VIPR2: variants seen among roughly 807,000 people sequenced by gnomAD.
VIPR2 encodes vasoactive intestinal polypeptide receptor 2.
A neutral mutation model predicts 58.0 loss-of-function variants in VIPR2; 48 were observed. The ratio of observed to expected loss-of-function variants is 0.83; its 90% CI spans 0.66 to 1.05. VIPR2 has a LOEUF of 1.05. VIPR2 is among the 50% of genes least tolerant of loss of function. VIPR2 has a pLI of 0.00. For synonymous variants in VIPR2, 243 were observed against 235.2 expected (o/e 1.03, Z -0.30); for missense variants, 534 against 558.0 (o/e 0.96, Z 0.43).
At chr7:159,103,975 G>A (rs2129495939) in intron 3 of VIPR2, 121 bp from the exon 4 acceptor site, 7 of 821,540 alleles carry the variant, frequency 8.5e-6, no homozygotes, top group African/African-American at 1.7e-5. Flanking sequence ...GGGTCAGCTA[G>A]GAGACAGGAC....
Position 159,058,480 on chromosome 7 carries a change from C to A in VIPR2, c.455+1G>T. On this transcript the variant is annotated splice_donor_variant, in intron 5 of 12. Coordinates refer to ENST00000262178, the MANE Select transcript of VIPR2 (RefSeq NM_003382.5). LOFTEE classifies it high-confidence loss of function. ...CAGAATTACTAATTTCTGCTCCTTA[C>A]CTGAAGAGGCACAGAATTATGCTTC... The A allele has an allele frequency of 6.2e-7, 1 of 1,611,636 alleles. No individual in the cohort carries two copies. The highest frequency in any genetic ancestry group is 8.5e-7 in the Non-Finnish European group (1 of 1,177,898).
chr7:159,034,363 G>A, intron 9 of VIPR2, 59 bp from the exon 10 acceptor site: 1 of 1,564,758 alleles, frequency 6.4e-7, no homozygotes, highest in Non-Finnish European at 8.8e-7. Context: ...TTGCCCTGAA[G>A]TCCACCTGAT....
chr7:159,120,682 C>A (rs141848981), intron 2 of VIPR2, among the ~76,000 whole-genome samples: 1 of 152,180 alleles, frequency 6.6e-6, no homozygotes, highest in Non-Finnish European at 1.5e-5. Context: ...TGCATAGTAA[C>A]AGGCTAGTGT....
chr7:159,144,509 C>A, intron 1 of VIPR2: 2 of 1,527,812 alleles, frequency 1.3e-6, no homozygotes, highest in Non-Finnish European at 1.8e-6. Flanking sequence ...AGCCTCCCAA[C>A]CCGAGTCCCG....
chr7:159,044,083 G>T (rs565346943), intron 5 of VIPR2, among the ~76,000 whole-genome samples: 6 of 152,338 alleles, frequency 3.9e-5, no homozygotes, highest in Non-Finnish European at 1.5e-5. Context: ...AGGCAGAGCT[G>T]CAGACAGTCT....
At chr7:159,052,690 T>C (rs1855078795) in intron 5 of VIPR2, among the ~76,000 whole-genome samples, 4 of 152,280 alleles carry the variant, frequency 2.6e-5, no homozygotes, top group South Asian at 4.2e-4. Flanking sequence ...AAACATAATA[T>C]ATCAAAACCA....
At chr7:159,067,476 G>A (rs1373750610) in intron 4 of VIPR2, among the ~76,000 whole-genome samples, 1 of 152,128 alleles carries the variant, frequency 6.6e-6, no homozygotes, top group Admixed American at 6.5e-5. Context: ...AGCTGGCGCC[G>A]GCCTGACACC....
chr7:159,123,288 TAAAAAAA>T (rs370294230), intron 2 of VIPR2, among the ~76,000 whole-genome samples: 797 of 72,878 alleles, frequency 0.011, 21 homozygotes, highest in African/African-American at 0.04. Context: ...CAAGACTCTG[TAAAAAAA>T]AAAAAAAAAA....
chr7:159,093,932 A>C lies in VIPR2; in HGVS notation c.357+9825T>G, dbSNP rs1373989638. 6.6e-6 allele frequency among the ~76,000 whole-genome samples: 1 copy of C among 152,234 alleles called. No homozygotes were observed. Among genetic ancestry groups the C allele is most frequent in the Admixed American group, 6.5e-5 (1 of 15,294 alleles). ...ACTCCCTCTTTCAGGGCTGGTGGTC[A>C]TGTCTGCGTGATGGAAAGGGAGCAG... On this transcript the variant is annotated intron_variant, in intron 4 of 12. Coordinates refer to ENST00000262178, the MANE Select transcript of VIPR2 (RefSeq NM_003382.5). This position sits in a 1 kb window ranked among gnomAD's most constrained non-coding sequence, Gnocchi z 6.7.
At chr7:159,054,900 T>G (rs1855217343) in intron 5 of VIPR2, among the ~76,000 whole-genome samples, 1 of 152,210 alleles carries the variant, frequency 6.6e-6, no homozygotes, top group African/African-American at 2.4e-5. Context: ...TTAGGAAGAC[T>G]AACTCTATGT....
intron 4 of VIPR2, among the ~76,000 whole-genome samples, chr7:159,064,639 C>T (rs1054707113): frequency 2.0e-5 from 3 of 152,120 alleles, no homozygotes; most frequent in Non-Finnish European, 1.5e-5. Context: ...GCACAGAGGC[C>T]GGCCAGGCTG....
chr7:159,087,604 C>G (rs549469297), intron 4 of VIPR2, among the ~76,000 whole-genome samples: 18 of 121,988 alleles, frequency 1.5e-4, no homozygotes, highest in African/African-American at 5.6e-4. Flanking sequence ...TGCCAGGATT[C>G]TGATAGTGAG....
At chr7:159,092,215 G>C (rs1269875264) in intron 4 of VIPR2, among the ~76,000 whole-genome samples, 1 of 152,208 alleles carries the variant, frequency 6.6e-6, no homozygotes, top group Non-Finnish European at 1.5e-5. Context: ...CCTGTTTTAA[G>C]CAAAAGGACA....
rs1253916057 is a variant in VIPR2, at chr7:159,030,458, G to A, written c.*158C>T. ...CAATGACAACACGACTCCAATTCCA[G>A]GTATGGGGTTTAGTGGACAACCAGC... On this transcript the variant is annotated 3_prime_UTR_variant, in exon 13 of 13. Transcript: ENST00000262178. The A allele has an allele frequency of 2.5e-6, 2 of 790,404 alleles. No individual in the cohort carries two copies. The highest frequency in any genetic ancestry group is 3.7e-6 in the Non-Finnish European group (2 of 537,694). 49.0% of individuals were successfully genotyped at this position (790,404 alleles called of 1,614,324 possible).
intron 5 of VIPR2, among the ~76,000 whole-genome samples, chr7:159,044,481 A>G (rs1196602600): frequency 6.6e-6 from 1 of 152,100 alleles, no homozygotes; most frequent in East Asian, 1.9e-4. Flanking sequence ...AAATGAATCA[A>G]CAAAAATTAT....
intron 4 of VIPR2, among the ~76,000 whole-genome samples, chr7:159,092,749 C>T (rs750001405): frequency 1.0e-4 from 15 of 150,232 alleles, no homozygotes; most frequent in Non-Finnish European, 8.8e-5. Flanking sequence ...CTCCCGGGTT[C>T]GGCTGTTCTC....
Position 159,034,655 on chromosome 7 carries a change from C to G in VIPR2, c.810-5G>C, listed in dbSNP as rs1563256015. 2 of 1,613,280 alleles carry G rather than the reference C, an allele frequency of 1.2e-6. No homozygotes were observed. Among genetic ancestry groups the G allele is most frequent in the Admixed American group, 1.7e-5 (1 of 60,010 alleles). ...TGGTCGTTTGTATCCCAGCAACTGT[C>G]AGAGAGAGATGGGAAATCAGGTTAC... On this transcript the variant is annotated splice_polypyrimidine_tract_variant and splice_region_variant and intron_variant, in intron 8 of 12. Transcript: ENST00000262178.
In VIPR2 at chr7:159,109,909, G is replaced by A. The variant is rs775751108; in HGVS notation, c.162C>T (p.Gly54=). 7.9e-5 allele frequency: 127 copies of A among 1,613,504 alleles called. No individual in the cohort carries two copies. The highest frequency in any genetic ancestry group is 1.6e-4 in the Middle Eastern group (1 of 6,084). The change falls in exon 3 of 13, where the codon GGC becomes GGT. Residue 54 remains glycine (G), a synonymous_variant. Transcript: ENST00000262178. ...GCCAGCACGTGATGTTGTCCCAGACGCCACTGCAGGCTGGAAGGAGAGAAG... is the reference window on the plus strand; with the variant it reads ...GCCAGCACGTGATGTTGTCCCAGACACCACTGCAGGCTGGAAGGAGAGAAG... The part of the protein sequence containing the change: ...SQTEKHKACS[G]VWDNITCWRP...
At chr7:159,072,897 G>A (rs1467692967) in intron 4 of VIPR2, among the ~76,000 whole-genome samples, 4 of 152,184 alleles carry the variant, frequency 2.6e-5, no homozygotes, top group African/African-American at 9.7e-5. Flanking sequence ...AAACTTCAAC[G>A]AAATGGTAAC....
Sources: gnomAD v4.1 joint callset for allele counts (sites outside exome capture counted in the v4.1 genomes callset) on GRCh38, gnomAD v4.1.1 for gene constraint, Gnocchi (gnomAD v3.1) non-coding constraint, MANE v1.5 for transcripts, NCBI Gene and HGNC (gene_info 2026-07-23, HGNC 2026-07-21) for gene names.